Variants in GRID1 observed in about 807,000 individuals in gnomAD.
GRID1 encodes the protein glutamate receptor ionotropic, delta-1.
In GRID1, 28 loss-of-function variants were observed where a neutral mutation model predicts 98.0. The observed-to-expected ratio is 0.29, with a 90% CI of 0.21 to 0.39. The LOEUF is 0.39. Ranked by LOEUF, GRID1 falls within the 10% of genes least tolerant of loss-of-function variation. The pLI is 1.00. For synonymous variants in GRID1, 553 were observed against 538.5 expected (o/e 1.03, Z -0.37); for missense variants, 1,111 against 1,340.5 (o/e 0.83, Z 2.67).
chr10:86,355,323 C>T (rs1848519732), intron 2 of GRID1, among the ~76,000 whole-genome samples: 1 of 152,254 alleles, frequency 6.6e-6, no homozygotes, highest in African/African-American at 2.4e-5. Context: ...GGGGAAGGGC[C>T]AGGCTGAGCA....
chr10:85,681,509 T>C (rs1841208555), intron 12 of GRID1, among the ~76,000 whole-genome samples: 3 of 152,148 alleles, frequency 2.0e-5, no homozygotes, highest in Non-Finnish European at 4.4e-5. Context: ...ACATCTTCTC[T>C]TCTTTCCCAC....
At chr10:86,182,768 G>C (rs1161726369) in intron 3 of GRID1, among the ~76,000 whole-genome samples, 1 of 152,202 alleles carries the variant, frequency 6.6e-6, no homozygotes, top group Non-Finnish European at 1.5e-5. Context: ...GTGTGTGACA[G>C]GAATTCCAGC....
intron 8 of GRID1, among the ~76,000 whole-genome samples, chr10:85,816,668 T>C (rs1319199694): frequency 6.6e-6 from 1 of 152,186 alleles, no homozygotes; most frequent in Non-Finnish European, 1.5e-5. Flanking sequence ...TAAACTTTAT[T>C]GTATAATTTT....
Position 86,032,662 on chromosome 10 carries a change from C to T in GRID1, c.726+106157G>A, listed in dbSNP as rs557678906. On this transcript the variant is annotated intron_variant, in intron 4 of 15. Coordinates refer to ENST00000327946, the MANE Select transcript of GRID1 (RefSeq NM_017551.3). Reference sequence around the variant, plus strand: ...AAGAGTCATCACCACTCCCTAATCTCAAATACCCAGGGACACAAACACTGC... The same window carrying T: ...AAGAGTCATCACCACTCCCTAATCTTAAATACCCAGGGACACAAACACTGC... Among the ~76,000 whole-genome samples the T allele has an allele frequency of 1.1e-4, 16 of 152,160 alleles. 1 individual carries two copies. In the East Asian group the frequency reaches 3.1e-3, roughly 29 times the overall value.
At chr10:85,837,612 C>T (rs1842922173) in intron 8 of GRID1, among the ~76,000 whole-genome samples, 1 of 150,874 alleles carries the variant, frequency 6.6e-6, no homozygotes, top group African/African-American at 2.4e-5. Context: ...ATCAAGTCCT[C>T]AGAGTCATCG....
chr10:85,685,851 A>G (rs1295261528), intron 12 of GRID1, among the ~76,000 whole-genome samples: 1 of 152,146 alleles, frequency 6.6e-6, no homozygotes, highest in South Asian at 2.1e-4. Context: ...TATACTATTC[A>G]TATTAACAAT....
chr10:85,627,959 A>T (rs1475685161), intron 13 of GRID1, among the ~76,000 whole-genome samples: 5 of 151,812 alleles, frequency 3.3e-5, no homozygotes, highest in Non-Finnish European at 7.4e-5. Context: ...TCAGCAACAC[A>T]CTCTGTGTGA....
rs142767978 is a variant in GRID1 at position 85,946,711 on chromosome 10, G to A, written c.727-30472C>T. On this transcript the variant is annotated intron_variant, in intron 4 of 15. Transcript: ENST00000327946. ...AAGAATCCCCAGGTCAGTCTTGGGC[G>A]GCTCTGAGAAATTGTCTTCAGTTTC... is the stretch of plus-strand genomic sequence containing the variant. 1.6e-4 allele frequency among the ~76,000 whole-genome samples: 25 copies of A among 152,244 alleles called. 1 individual carries two copies. In the South Asian group the frequency reaches 2.1e-3, roughly 13 times the overall value.
intron 4 of GRID1, among the ~76,000 whole-genome samples, chr10:86,099,851 C>T (rs1192485869): frequency 6.6e-6 from 1 of 152,188 alleles, no homozygotes; most frequent in African/African-American, 2.4e-5. Context: ...TGGCACAGGA[C>T]AGCCCTCAGT....
intron 8 of GRID1, among the ~76,000 whole-genome samples, chr10:85,826,438 C>T (rs1324840151): frequency 1.3e-5 from 2 of 152,170 alleles, no homozygotes; most frequent in African/African-American, 2.4e-5. Flanking sequence ...AATGACATAA[C>T]TTCAGACTAA....
intron 2 of GRID1, among the ~76,000 whole-genome samples, chr10:86,338,888 A>G (rs1476844370): frequency 2.0e-5 from 3 of 152,028 alleles, no homozygotes; most frequent in East Asian, 1.9e-4. Context: ...TACCCTGGGT[A>G]TTTAATTCAC....
intron 12 of GRID1, among the ~76,000 whole-genome samples, chr10:85,682,586 C>T (rs80053678): frequency 6.6e-6 from 1 of 152,256 alleles, no homozygotes; most frequent in African/African-American, 2.4e-5. Context: ...AAATTGCCAA[C>T]TCACTTTGCC....
chr10:86,110,335 C>T (rs1844461999), intron 4 of GRID1, among the ~76,000 whole-genome samples: 1 of 152,148 alleles, frequency 6.6e-6, no homozygotes, highest in African/African-American at 2.4e-5. Flanking sequence ...CCTGCTCTAC[C>T]ATGTGGCTCT....
intron 14 of GRID1, among the ~76,000 whole-genome samples, chr10:85,618,679 C>T (rs1842820766): frequency 1.3e-5 from 2 of 152,190 alleles, no homozygotes; most frequent in Non-Finnish European, 2.9e-5. Context: ...TCAGCCTTCC[C>T]TTGGTGGGGC....
intron 8 of GRID1, among the ~76,000 whole-genome samples, chr10:85,843,426 A>G (rs1254770522): frequency 3.3e-5 from 5 of 152,218 alleles, no homozygotes; most frequent in Admixed American, 2.6e-4. Context: ...TAAAAGGAAA[A>G]ATTGATACAC....
At chr10:86,354,204 G>A (rs1310976520) in intron 2 of GRID1, among the ~76,000 whole-genome samples, 1 of 152,214 alleles carries the variant, frequency 6.6e-6, no homozygotes, top group Non-Finnish European at 1.5e-5. Flanking sequence ...GTTTATAGGG[G>A]CACAGGCCAC....
intron 3 of GRID1, among the ~76,000 whole-genome samples, chr10:86,150,596 G>T (rs1447960147): frequency 6.6e-6 from 1 of 152,136 alleles, no homozygotes; most frequent in Non-Finnish European, 1.5e-5. Flanking sequence ...ATCTCTCCAT[G>T]GTATGGCCAA....
At chr10:86,258,672 G>C (rs919203886) in intron 2 of GRID1, among the ~76,000 whole-genome samples, 3 of 152,116 alleles carry the variant, frequency 2.0e-5, no homozygotes. Flanking sequence ...ATTGGCCCTG[G>C]CAAGTCACAT....
Position 85,616,753 on chromosome 10 carries a change from T to C in GRID1, c.2361-3106A>G, listed in dbSNP as rs116257499. Among the ~76,000 whole-genome samples, 111 of 152,286 alleles carry C rather than the reference T, an allele frequency of 7.3e-4. 1 individual carries two copies. The highest frequency in any genetic ancestry group is 2.6e-3 in the African/African-American group (110 of 41,560). On this transcript the variant is annotated intron_variant, in intron 14 of 15. Transcript: ENST00000327946. Reference sequence around the variant, plus strand: ...AACTAATGCACACCATAATAATCCATACTCTCGCTTACGAGGAAGCCAGAG... The same window carrying C: ...AACTAATGCACACCATAATAATCCACACTCTCGCTTACGAGGAAGCCAGAG...
Sources: gnomAD v4.1 joint callset for allele counts (sites outside exome capture counted in the v4.1 genomes callset) on GRCh38, gnomAD v4.1.1 for gene constraint, MANE v1.5 for transcripts, NCBI Gene and HGNC (gene_info 2026-07-23, HGNC 2026-07-21) for gene names.